The following ARSG variants were observed in gnomAD, a reference collection of about 807,000 sequenced individuals.
ARSG encodes the protein arylsulfatase G, also known as ASG.
In ARSG, 37 loss-of-function variants were observed where a neutral mutation model predicts 50.5. The observed-to-expected ratio is 0.73, with a 90% CI of 0.56 to 0.96. The LOEUF is 0.96. Among genes scored for constraint, ARSG ranks in the 50% least tolerant of loss-of-function variants. ARSG has a pLI of 0.00. For missense variants in ARSG, 629 were observed against 675.3 expected (o/e 0.93, Z 0.76); for synonymous variants, 225 against 254.6 (o/e 0.88, Z 1.11).
Position 68,419,796 on chromosome 17 carries a change from G to GAAA in ARSG, c.1304-380_1304-378dup, listed in dbSNP as rs34363131. Among the ~76,000 whole-genome samples the GAAA allele has an allele frequency of 4.2e-4, 58 of 137,302 alleles. 1 individual carries two copies. The East Asian group carries it at 7.0e-3, about 17-fold the overall frequency. 90.1% of individuals were successfully genotyped at this position (137,302 alleles called of 152,430 possible). A position where few individuals can be genotyped will look rare whatever the true frequency, so the allele number is the denominator to read the frequency against. ...GGAACATAGCGGGACCCTGTCTCTG[G>GAAA]AAAAAAAAAAAAAAAGTTGGGCGTG... is the stretch of plus-strand genomic sequence containing the variant. On this transcript the variant is annotated intron_variant, in intron 11 of 11. Coordinates refer to ENST00000621439, the MANE Select transcript of ARSG (RefSeq NM_001267727.2).
chr17:68,334,482 C>G (rs1171401928), intron 2 of ARSG, among the ~76,000 whole-genome samples: 6 of 152,180 alleles, frequency 3.9e-5, no homozygotes, highest in African/African-American at 1.4e-4. Flanking sequence ...AGACATTCTT[C>G]TGGCTGTGTA....
At chr17:68,340,289 T>C (rs1040542371) in intron 2 of ARSG, among the ~76,000 whole-genome samples, 1 of 150,940 alleles carries the variant, frequency 6.6e-6, no homozygotes, top group Non-Finnish European at 1.5e-5. Flanking sequence ...ATTGTTCTTT[T>C]TGTGTGTGTG....
At chr17:68,441,370 G>T in the ARSG span, among the ~76,000 whole-genome samples, 3 of 152,228 alleles carry the variant, frequency 2.0e-5, no homozygotes, top group African/African-American at 7.2e-5. Context: ...TGTAGTTTAT[G>T]AAGTCAAAAT....
intron 2 of ARSG, among the ~76,000 whole-genome samples, chr17:68,316,894 A>C (rs1484267603): frequency 5.3e-5 from 8 of 151,726 alleles, no homozygotes; most frequent in African/African-American, 1.7e-4. Flanking sequence ...CCAGACTCTC[A>C]CCCTTCCCCA....
At chr17:68,390,725 G>A (rs2080952402) in intron 9 of ARSG, among the ~76,000 whole-genome samples, 1 of 152,108 alleles carries the variant, frequency 6.6e-6, no homozygotes, top group Admixed American at 6.6e-5. Context: ...CTGGGTTCAA[G>A]TGATTCTCCT....
At chr17:68,291,880 A>ACG (rs2076009843) in intron 1 of ARSG, among the ~76,000 whole-genome samples, 1 of 150,922 alleles carries the variant, frequency 6.6e-6, no homozygotes. Flanking sequence ...GAGGGGGAAC[A>ACG]CGCGCGCGCC....
chr17:68,281,260 A>G (rs111379002), intron 1 of ARSG, among the ~76,000 whole-genome samples: 2,346 of 152,236 alleles, frequency 0.015, 55 homozygotes, highest in African/African-American at 0.053. Context: ...AAACTCCCCA[A>G]CAATCTGGCT....
the ARSG span, among the ~76,000 whole-genome samples, chr17:68,444,985 A>G: frequency 1.4e-5 from 2 of 142,376 alleles, no homozygotes; most frequent in Admixed American, 7.4e-5. Context: ...CAGTGGCGCA[A>G]TCTCAGCTCA....
intron 6 of ARSG, among the ~76,000 whole-genome samples, chr17:68,360,231 G>A (rs1456843412): frequency 6.6e-6 from 1 of 152,232 alleles, no homozygotes; most frequent in Non-Finnish European, 1.5e-5. Context: ...AGTCCTGTTG[G>A]CATTTAACAT....
At chr17:68,428,691 C>A in the ARSG span, 2 of 653,964 alleles carry the variant, frequency 3.1e-6, no homozygotes, top group Non-Finnish European at 5.4e-6. Context: ...GAGCACTTGC[C>A]CACTAGAGGT....
chr17:68,309,086 C>T (rs936111647), intron 2 of ARSG, among the ~76,000 whole-genome samples: 11 of 152,364 alleles, frequency 7.2e-5, no homozygotes, highest in South Asian at 2.1e-4. Context: ...GGTGAGAAAT[C>T]GAGTGCAGTG....
chr17:68,450,466 G>A, the ARSG span, among the ~76,000 whole-genome samples: 1 of 152,186 alleles, frequency 6.6e-6, no homozygotes, highest in Non-Finnish European at 1.5e-5. Context: ...TGCCCAATCT[G>A]TACCCTAGGG....
In ARSG at chr17:68,271,329, G is replaced by A. The variant is rs370850876; in HGVS notation, c.-552+11903G>A. ...AGTCTAATAGCGGGGCTTTCTTTTCGCTTGGCCTGGGGCTGGTCTTCACCA... is the reference window on the plus strand; with the variant it reads ...AGTCTAATAGCGGGGCTTTCTTTTCACTTGGCCTGGGGCTGGTCTTCACCA... On this transcript the variant is annotated intron_variant, in intron 1 of 11. Coordinates refer to the ARSG transcript ENST00000448504. The surrounding 1 kb of genome is among the most constrained non-coding windows in gnomAD (Gnocchi z 5.3). 30 of 1,614,180 alleles carry A rather than the reference G, an allele frequency of 1.9e-5. No homozygotes were observed. Among genetic ancestry groups the A allele is most frequent in the Non-Finnish European group, 2.2e-5 (26 of 1,180,034 alleles).
chr17:68,405,597 A>G (rs141499599), intron 11 of ARSG, among the ~76,000 whole-genome samples: 71 of 152,308 alleles, frequency 4.7e-4, no homozygotes, highest in African/African-American at 1.5e-3. Context: ...GGTTTTCTAC[A>G]TATAAGATTA....
chr17:68,340,291 G>C (rs1270740394), intron 2 of ARSG, among the ~76,000 whole-genome samples: 1 of 148,458 alleles, frequency 6.7e-6, no homozygotes, highest in East Asian at 1.9e-4. Context: ...TGTTCTTTTT[G>C]TGTGTGTGTG....
intron 1 of ARSG, among the ~76,000 whole-genome samples, chr17:68,276,852 A>G (rs2075539640): frequency 6.6e-6 from 1 of 152,208 alleles, no homozygotes; most frequent in Non-Finnish European, 1.5e-5. Flanking sequence ...CCTGGCATGT[A>G]TATTCAATAG....
At chr17:68,272,889 AATTC>A in intron 1 of ARSG, 1 of 1,192,516 alleles carries the variant, frequency 8.4e-7, no homozygotes, top group Non-Finnish European at 1.2e-6. Flanking sequence ...GGAGCCAAGT[AATTC>A]ATTCTGGACA....
At chr17:68,274,206 C>A in intron 1 of ARSG, 1 of 885,446 alleles carries the variant, frequency 1.1e-6, no homozygotes, top group Non-Finnish European at 1.7e-6. Flanking sequence ...TGGCTCATGC[C>A]TGTAATCCCA....
chr17:68,277,408 G>A (rs2075559105), intron 1 of ARSG, among the ~76,000 whole-genome samples: 1 of 151,734 alleles, frequency 6.6e-6, no homozygotes, highest in African/African-American at 2.4e-5. Context: ...GGGATTACAG[G>A]CGTGAGCCAC....
Sources: allele counts gnomAD v4.1 joint callset (sites outside exome capture counted in the v4.1 genomes callset), GRCh38; gene constraint gnomAD v4.1.1; non-coding constraint Gnocchi (gnomAD v3.1); transcripts MANE v1.5; gene names NCBI Gene and HGNC (gene_info 2026-07-23, HGNC 2026-07-21).